The following ZFHX3 variants were observed in gnomAD, a reference collection of about 807,000 sequenced individuals.
ZFHX3 encodes zinc finger homeobox protein 3.
A neutral mutation model predicts 279.1 loss-of-function variants in ZFHX3; 42 were observed. The observed-to-expected ratio is 0.15, with a 90% CI of 0.12 to 0.19. The LOEUF is 0.19. Among genes scored for constraint, ZFHX3 ranks in the 10% least tolerant of loss-of-function variants. ZFHX3 has a pLI of 1.00. For synonymous variants in ZFHX3, 2,293 were observed against 1,957.8 expected, an observed-to-expected ratio of 1.17 and a Z score of -4.52; for missense variants, 4,981 against 4,754.0, an observed-to-expected ratio of 1.05 and a Z score of -1.40.
intron 1 of ZFHX3, among the ~76,000 whole-genome samples, chr16:73,728,133 G>C (rs1466390204): frequency 6.7e-6 from 1 of 149,226 alleles, no homozygotes; most frequent in Non-Finnish European, 1.5e-5. Flanking sequence ...GAGGTCCTTA[G>C]GATGGACTTA....
At chr16:73,426,470 C>T (rs1722332191) in intron 3 of ZFHX3, among the ~76,000 whole-genome samples, 1 of 152,086 alleles carries the variant, frequency 6.6e-6, no homozygotes, top group African/African-American at 2.4e-5. Flanking sequence ...GGGATCAGTA[C>T]AGAACTGGTC....
chr16:73,052,185 G>C (rs1213843548), upstream of ZFHX3, among the ~76,000 whole-genome samples: 1 of 151,332 alleles, frequency 6.6e-6, no homozygotes, highest in Non-Finnish European at 1.5e-5. Flanking sequence ...AATGGGCGAT[G>C]GGATACTGCC....
intron 1 of ZFHX3, among the ~76,000 whole-genome samples, chr16:73,850,945 G>T (rs1961578538): frequency 6.6e-6 from 1 of 152,088 alleles, no homozygotes; most frequent in Non-Finnish European, 1.5e-5. Flanking sequence ...CCACCAACAA[G>T]GGTGATCTCT....
chr16:72,911,547 T>C (rs1237689866), intron 3 of ZFHX3, among the ~76,000 whole-genome samples: 1 of 152,184 alleles, frequency 6.6e-6, no homozygotes, highest in Non-Finnish European at 1.5e-5. Flanking sequence ...CGGGGAAGGT[T>C]TGGAAACGGC....
At chr16:73,252,376 A>G (rs75187084) in intron 5 of ZFHX3, among the ~76,000 whole-genome samples, 2,173 of 152,304 alleles carry the variant, frequency 0.014, 62 homozygotes, top group African/African-American at 0.05. Flanking sequence ...AGAAGCTGAC[A>G]GAGACCCTGT....
chr16:73,734,432 A>C (rs2053593065), intron 1 of ZFHX3, among the ~76,000 whole-genome samples: 1 of 152,192 alleles, frequency 6.6e-6, no homozygotes, highest in Admixed American at 6.5e-5. Flanking sequence ...GAGATGGATA[A>C]TTTTCTGAGT....
chr16:73,477,738 A>C (rs1307103270), intron 2 of ZFHX3, among the ~76,000 whole-genome samples: 1 of 152,178 alleles, frequency 6.6e-6, no homozygotes, highest in East Asian at 1.9e-4. Flanking sequence ...ATCTGGGTAC[A>C]CTTCACATCC....
intron 1 of ZFHX3, among the ~76,000 whole-genome samples, chr16:73,802,744 G>C (rs978159052): frequency 6.6e-6 from 1 of 152,100 alleles, no homozygotes; most frequent in Admixed American, 6.6e-5. Context: ...AATAACAATA[G>C]ACATTATTAC....
chr16:73,581,000 G>A (rs2051855432), intron 2 of ZFHX3, among the ~76,000 whole-genome samples: 1 of 151,854 alleles, frequency 6.6e-6, no homozygotes, highest in South Asian at 2.1e-4. Context: ...ATGGTATTTA[G>A]AGATCACAGT....
At chr16:73,333,674 A>C (rs903028643) in intron 3 of ZFHX3, among the ~76,000 whole-genome samples, 6 of 152,106 alleles carry the variant, frequency 3.9e-5, no homozygotes, top group Non-Finnish European at 7.3e-5. Context: ...AGGGCTCTAT[A>C]CTAGGCATAA....
intron 2 of ZFHX3, among the ~76,000 whole-genome samples, chr16:73,628,459 A>G (rs1445480420): frequency 6.6e-6 from 1 of 152,248 alleles, no homozygotes; most frequent in Non-Finnish European, 1.5e-5. Flanking sequence ...TTTCTTCACC[A>G]GAAAACAAGA....
intron 4 of ZFHX3, among the ~76,000 whole-genome samples, chr16:73,265,643 G>T (rs1217770164): frequency 6.6e-6 from 1 of 152,170 alleles, no homozygotes; most frequent in Non-Finnish European, 1.5e-5. Flanking sequence ...GGAAATCTGT[G>T]TCATCGCCTG....
At chr16:73,822,747 T>C (rs1960783777) in intron 1 of ZFHX3, among the ~76,000 whole-genome samples, 1 of 152,234 alleles carries the variant, frequency 6.6e-6, no homozygotes, top group African/African-American at 2.4e-5. Context: ...GCATAATCCA[T>C]ACATTTCTAA....
At chr16:73,280,307 A>G (rs1184703359) in intron 4 of ZFHX3, among the ~76,000 whole-genome samples, 1 of 152,252 alleles carries the variant, frequency 6.6e-6, no homozygotes, top group Non-Finnish European at 1.5e-5. Context: ...CAATAAAATG[A>G]AAAGGTAACC....
In ZFHX3 at chr16:72,793,160, G is replaced by T; in HGVS notation, c.9427+95C>A. The T allele has an allele frequency of 1.3e-6, 2 of 1,512,468 alleles. No homozygotes were observed. The highest frequency in any genetic ancestry group is 2.0e-4 in the Middle Eastern group (1 of 4,896). 93.7% of individuals were successfully genotyped at this position (1,512,468 alleles called of 1,614,324 possible). A position where few individuals can be genotyped will look rare whatever the true frequency, so the allele number is the denominator to read the frequency against. On this transcript the variant is annotated intron_variant, in intron 9 of 9. Coordinates refer to ENST00000268489, the MANE Select transcript of ZFHX3 (RefSeq NM_006885.4). The surrounding 1 kb of genome is among the most constrained non-coding windows in gnomAD (Gnocchi z 4.3). Reference sequence around the variant, plus strand: ...AACTAGAAAGGTAAGCTTCCCATCTGCCCAGCACTCAGAGGGTTTGGGTGG... The same window carrying T: ...AACTAGAAAGGTAAGCTTCCCATCTTCCCAGCACTCAGAGGGTTTGGGTGG...
chr16:72,796,044 T>G lies in ZFHX3; in HGVS notation c.6638A>C (p.Asn2213Thr). 6.2e-7 allele frequency: 1 copy of G among 1,614,138 alleles called. No individual in the cohort carries two copies. Among genetic ancestry groups the G allele is most frequent in the East Asian group, 2.2e-5 (1 of 44,862 alleles). ...CTCCTCCAGGCTGGTGATAGGAGGATTACTGAAGTTGTAAGGGGAGTCCTT... is the reference window on the plus strand; with the variant it reads ...CTCCTCCAGGCTGGTGATAGGAGGAGTACTGAAGTTGTAAGGGGAGTCCTT... ...RNKDSPYNFS[N>T]PPITSLEELK... The change falls in exon 9 of 10, where the codon AAT becomes ACT. Residue 2213 changes from asparagine to threonine, a missense_variant. Physicochemically the swap from Asn to Thr is moderately conservative, Grantham distance 65. Around this residue, in one of 7 missense-constraint regions of ZFHX3, gnomAD observed 177 missense variants for 244.2 expected, o/e 0.72. Coordinates refer to ENST00000268489, the MANE Select transcript of ZFHX3 (RefSeq NM_006885.4).
chr16:73,725,998 G>C (rs1318571071), intron 1 of ZFHX3, among the ~76,000 whole-genome samples: 2 of 152,126 alleles, frequency 1.3e-5, no homozygotes, highest in Non-Finnish European at 2.9e-5. Flanking sequence ...AGGTTTCATT[G>C]CTTCAAGGGG....
Position 73,325,928 on chromosome 16 carries a change from A to ACAAAAACAC in ZFHX3, c.-1290-7593_-1290-7592insGTGTTTTTG, listed in dbSNP as rs1567451240. ...ACACACACACACACACACACACACA[A>ACAAAAACAC]ACACACACACACACACACACACAGG... On this transcript the variant is annotated intron_variant, in intron 3 of 17. Transcript: ENST00000641206. Among the ~76,000 whole-genome samples, 700 of 145,572 alleles carry ACAAAAACAC rather than the reference A, an allele frequency of 4.8e-3. 8 individuals carry two copies. The highest frequency in any genetic ancestry group is 7.9e-3 in the Non-Finnish European group (521 of 66,144).
Position 72,794,148 on chromosome 16 carries a change from G to C in ZFHX3, c.8534C>G (p.Thr2845Ser). 3 of 1,614,178 alleles carry C rather than the reference G, an allele frequency of 1.9e-6. No individual in the cohort carries two copies. The highest frequency in any genetic ancestry group is 2.5e-6 in the Non-Finnish European group (3 of 1,180,040). Residue 2845 changes from threonine (T) to serine (S), a missense_variant, in exon 9 of 10, where the codon ACC becomes AGC. Physicochemically the swap from Thr to Ser is moderately conservative, Grantham distance 58 (BLOSUM62 1). Transcript: ENST00000268489. This position sits in a 1 kb window ranked among gnomAD's most constrained non-coding sequence, Gnocchi z 4.2. ...CSSVNTAITD[T>S]TTGDEGNADN... ...TGCGTTGCCCTCGTCTCCAGTTGTG[G>C]TATCTGTGATTGCTGTGTTGACAGA...
Sources: gnomAD v4.1 joint callset for allele counts (sites outside exome capture counted in the v4.1 genomes callset) on GRCh38, gnomAD v4.1.1 for gene constraint, gnomAD v4.1.1 regional missense constraint, Gnocchi (gnomAD v3.1) non-coding constraint, MANE v1.5 for transcripts, NCBI Gene and HGNC (gene_info 2026-07-23, HGNC 2026-07-21) for gene names.